Variants in PACSIN2 observed in about 807,000 individuals in gnomAD.
PACSIN2 encodes the protein protein kinase C and casein kinase substrate in neurons protein 2.
Under a neutral mutation model 63.8 loss-of-function variants are expected in PACSIN2, and 25 were observed. That is an observed-to-expected ratio of 0.39 (90% confidence interval 0.29 to 0.55). PACSIN2 has a LOEUF of 0.55. Among genes scored for constraint, PACSIN2 ranks in the 20% least tolerant of loss-of-function variants. PACSIN2 has a pLI of 0.62. For missense variants in PACSIN2, 518 were observed against 646.9 expected (o/e 0.80, Z 2.16); for synonymous variants, 255 against 256.2 (o/e 1.00, Z 0.05).
At chr22:42,887,815 A>C (rs1485901845) in intron 5 of PACSIN2, among the ~76,000 whole-genome samples, 1 of 152,178 alleles carries the variant, frequency 6.6e-6, no homozygotes, top group Non-Finnish European at 1.5e-5. Flanking sequence ...TTTCTCATTA[A>C]CCCATGGGGC....
Position 42,882,241 on chromosome 22 carries a change from C to A in PACSIN2, c.849G>T (p.Leu283=). The A allele has an allele frequency of 1.2e-6, 2 of 1,614,098 alleles. No individual in the cohort carries two copies. Among genetic ancestry groups the A allele is most frequent in the Non-Finnish European group, 1.7e-6 (2 of 1,179,984 alleles). The change falls in exon 7 of 11, where the codon CTG becomes CTT. Residue 283 remains leucine, a synonymous_variant. Coordinates refer to ENST00000263246, the MANE Select transcript of PACSIN2 (RefSeq NM_001184970.3). ...SIRAADAVED[L]RWFRANHGPG... is the part of the protein sequence containing the mutation. ...GCCCGTGATTGGCTCGGAACCACCT[C>A]AGGTCCTCCACTGCATCAGCTGCTC...
At chr22:42,987,049 A>G (rs974478237) in intron 1 of PACSIN2, among the ~76,000 whole-genome samples, 4 of 152,134 alleles carry the variant, frequency 2.6e-5, no homozygotes, top group African/African-American at 9.7e-5. Context: ...GACAGCCTGT[A>G]GAGTCCACTC....
chr22:42,997,824 T>C lies in PACSIN2; in HGVS notation c.-78+17197A>G, dbSNP rs181696763. Among the ~76,000 whole-genome samples the C allele has an allele frequency of 5.8e-3, 883 of 152,154 alleles. 14 individuals are homozygous for C. Among genetic ancestry groups the C allele is most frequent in the African/African-American group, 0.02 (850 of 41,490 alleles). ...TGAACCCGTGAGGTGGAGGATGCAG[T>C]GAGCTGAGATCACACCACTGCACCC... On this transcript the variant is annotated intron_variant, in intron 1 of 10. Transcript: ENST00000263246.
At chr22:42,935,063 C>A (rs186809728) in intron 1 of PACSIN2, among the ~76,000 whole-genome samples, 1 of 152,010 alleles carries the variant, frequency 6.6e-6, no homozygotes, top group East Asian at 1.9e-4. Context: ...CTACAGGTGC[C>A]CGCCACCGCG....
intron 1 of PACSIN2, among the ~76,000 whole-genome samples, chr22:42,927,892 C>G (rs1932640595): frequency 6.6e-6 from 1 of 152,266 alleles, no homozygotes; most frequent in South Asian, 2.1e-4. Flanking sequence ...CGGCCTCAGT[C>G]ATTTTTAATG....
At position 43,014,635 on chromosome 22, in the gene PACSIN2, C is replaced by T. The variant is rs1363275646; in HGVS notation, c.-78+386G>A. Among the ~76,000 whole-genome samples the T allele has an allele frequency of 2.0e-5, 3 of 151,930 alleles. No homozygotes were observed. In the East Asian group the frequency reaches 5.9e-4, roughly 30 times the overall value. On this transcript the variant is annotated intron_variant, in intron 1 of 10. Coordinates refer to ENST00000263246, the MANE Select transcript of PACSIN2 (RefSeq NM_001184970.3). ...GTCGCCCCAGCTCCCCCTTCTGCAG[C>T]TGTCTACACCTCCCCCACTCATTAG...
At chr22:42,912,764 C>T (rs759676925) in intron 1 of PACSIN2, among the ~76,000 whole-genome samples, 1 of 152,236 alleles carries the variant, frequency 6.6e-6, no homozygotes, top group Non-Finnish European at 1.5e-5. Context: ...GCACAAACCA[C>T]ACCTTGCTAG....
rs1263167588 is a variant in PACSIN2, at chr22:42,882,103, T to A, written c.906+81A>T. 3 of 1,494,220 alleles carry A rather than the reference T, an allele frequency of 2.0e-6. No individual in the cohort carries two copies. In the African/African-American group the frequency reaches 4.1e-5, roughly 21 times the overall value. The allele number at this position is 1,494,220 out of a possible 1,614,324, so 92.6% of individuals were successfully genotyped here. A position where few individuals can be genotyped will look rare whatever the true frequency, so the allele number is the denominator to read the frequency against. On this transcript the variant is annotated intron_variant, in intron 7 of 10. Transcript: ENST00000263246. ...GCAAACACTAACATAGAGTCTAGAA[T>A]GAGAAAGACATCATCTAGCAACTCT...
Position 42,882,232 on chromosome 22 carries a change from G to A in PACSIN2, c.858C>T (p.Phe286=), listed in dbSNP as rs538641258. The part of the protein sequence containing the change: ...AADAVEDLRW[F]RANHGPGMAM... ...CCATGCCCGGCCCGTGATTGGCTCGGAACCACCTCAGGTCCTCCACTGCAT... is the reference window on the plus strand; with the variant it reads ...CCATGCCCGGCCCGTGATTGGCTCGAAACCACCTCAGGTCCTCCACTGCAT... Residue 286 remains phenylalanine, a synonymous_variant, in exon 7 of 11, where the codon TTC becomes TTT. Transcript: ENST00000263246. The A allele has an allele frequency of 1.9e-6, 3 of 1,614,016 alleles. No individual in the cohort carries two copies. Among genetic ancestry groups the A allele is most frequent in the South Asian group, 2.2e-5 (2 of 91,076 alleles).
intron 1 of PACSIN2, among the ~76,000 whole-genome samples, chr22:43,008,068 C>G (rs1480691633): frequency 6.6e-6 from 1 of 152,274 alleles, no homozygotes; most frequent in Non-Finnish European, 1.5e-5. Context: ...TCTCCACACA[C>G]ACTCCACATT....
chr22:42,969,420 AC>A (rs960638938), intron 1 of PACSIN2, among the ~76,000 whole-genome samples: 1 of 152,318 alleles, frequency 6.6e-6, no homozygotes, highest in African/African-American at 2.4e-5. Context: ...TATTATTATT[AC>A]CCTGTTATTA....
intron 1 of PACSIN2, among the ~76,000 whole-genome samples, chr22:42,935,622 G>T (rs1405744186): frequency 6.6e-6 from 1 of 152,200 alleles, no homozygotes; most frequent in Admixed American, 6.5e-5. Context: ...TAATCACTGA[G>T]ATTTCAATTT....
chr22:42,920,951 C>T (rs556569190), intron 1 of PACSIN2, among the ~76,000 whole-genome samples: 20 of 151,946 alleles, frequency 1.3e-4, no homozygotes, highest in African/African-American at 4.8e-4. Context: ...CACAGGCATG[C>T]GCCCAGCTAA....
chr22:42,878,445 CTA>C (rs1928814094), intron 8 of PACSIN2, among the ~76,000 whole-genome samples: 1 of 152,190 alleles, frequency 6.6e-6, no homozygotes, highest in African/African-American at 2.4e-5. Context: ...TGGGCAGGTC[CTA>C]TAGGAAGACC....
At chr22:43,014,446 C>A (rs1384426836) in intron 1 of PACSIN2, among the ~76,000 whole-genome samples, 10 of 151,636 alleles carry the variant, frequency 6.6e-5, no homozygotes, top group East Asian at 3.9e-4. Flanking sequence ...ATCAGCGCAC[C>A]CGCGTGTGTC....
intron 1 of PACSIN2, among the ~76,000 whole-genome samples, chr22:42,929,630 T>C (rs1932741388): frequency 6.6e-6 from 1 of 152,236 alleles, no homozygotes; most frequent in Non-Finnish European, 1.5e-5. Flanking sequence ...ATGGATGTCA[T>C]ACTAATCACA....
intron 10 of PACSIN2, among the ~76,000 whole-genome samples, chr22:42,872,448 GA>G (rs373406561): frequency 6.6e-4 from 100 of 152,364 alleles, no homozygotes; most frequent in Non-Finnish European, 1.2e-3. Flanking sequence ...TGCTAAGTTT[GA>G]AGTTTTGTAA....
At chr22:42,944,900 C>A (rs1353102497) in intron 1 of PACSIN2, among the ~76,000 whole-genome samples, 1 of 152,070 alleles carries the variant, frequency 6.6e-6, no homozygotes, top group Admixed American at 6.5e-5. Flanking sequence ...GAGTTCAAGA[C>A]CAGCCGGGCC....
intron 1 of PACSIN2, among the ~76,000 whole-genome samples, chr22:42,953,370 C>T (rs1390625296): frequency 6.6e-6 from 1 of 151,838 alleles, no homozygotes; most frequent in African/African-American, 2.4e-5. Context: ...AAAATCTCAC[C>T]AGAAGAACTA....
Sources: gnomAD v4.1 joint callset for allele counts (sites outside exome capture counted in the v4.1 genomes callset) on GRCh38, gnomAD v4.1.1 for gene constraint, MANE v1.5 for transcripts, NCBI Gene and HGNC (gene_info 2026-07-23, HGNC 2026-07-21) for gene names.